KLK4: variants seen among roughly 807,000 people sequenced by gnomAD.
KLK4 encodes kallikrein related peptidase 4.
In KLK4, 24 loss-of-function variants were observed where a neutral mutation model predicts 24.3. The observed-to-expected ratio is 0.99, with a 90% CI of 0.72 to 1.39. The LOEUF (loss-of-function observed/expected upper bound fraction) is 1.39. Ranked by LOEUF, KLK4 falls within the 40% of genes most tolerant of loss-of-function variation. The pLI, the probability that KLK4 is intolerant of heterozygous loss-of-function variation, is 0.00. For missense variants in KLK4, 344 were observed against 327.4 expected, an observed-to-expected ratio of 1.05 and a Z score of -0.39; for synonymous variants, 142 against 138.8, an observed-to-expected ratio of 1.02 and a Z score of -0.16.
rs764598208 is a variant in KLK4, at chr19:50,910,298, GA to G, written c.61+379del. ...TGAGGTGAGTTCCTTGGGGATGGGA[GA>G]GGGGGATCTCAGGACTGAAGACCCA... On this transcript the variant is annotated intron_variant, in intron 2 of 5. Transcript: ENST00000324041. This position sits in a 1 kb window ranked among gnomAD's most constrained non-coding sequence, Gnocchi z 4.4. Among the ~76,000 whole-genome samples the G allele has an allele frequency of 1.3e-5, 2 of 152,090 alleles. No homozygotes were observed. The highest frequency in any genetic ancestry group is 2.4e-5 in the African/African-American group (1 of 41,392).
rs576078077 is a variant in KLK4 at position 50,909,522 on chromosome 19, C to T, written c.62-108G>A. The T allele has an allele frequency of 6.1e-5, 73 of 1,194,422 alleles. No individual in the cohort carries two copies. The South Asian group carries it at 8.9e-4, about 15-fold the overall frequency. 74.0% of individuals were successfully genotyped at this position (1,194,422 alleles called of 1,614,324 possible). ...GTCAGAGGTTCAGGAGCAGTCAGGG[C>T]TCCTCGGGGCGGAGTCAGGGCTGGG... On this transcript the variant is annotated intron_variant, in intron 2 of 5. Coordinates refer to ENST00000324041, the Ensembl canonical transcript of KLK4.
At chr19:50,906,841 G>T (rs2090434802) in exon 6 of KLK4, 2 of 1,512,656 alleles carry the variant, frequency 1.3e-6, no homozygotes, top group Non-Finnish European at 1.8e-6. Flanking sequence ...GGACTCCTGG[G>T]CCTGAGGGAG....
intron 2 of KLK4, among the ~76,000 whole-genome samples, chr19:50,909,765 G>A (rs198967): frequency 0.023 from 3,474 of 152,058 alleles, 129 homozygotes; most frequent in African/African-American, 0.079. Context: ...AGGGCTCCCA[G>A]GGGCGGTGAT....
chr19:50,909,013 C>T, intron 3 of KLK4, 184 bp from the exon 4 acceptor site: 1 of 1,490,246 alleles, frequency 6.7e-7, no homozygotes, highest in Non-Finnish European at 8.9e-7. Flanking sequence ...AAGAACTTGC[C>T]TTAGTTCACT....
At chr19:50,909,551 G>A (rs1320680435) in intron 2 of KLK4, 137 bp from the exon 3 acceptor site, 2 of 934,998 alleles carry the variant, frequency 2.1e-6, no homozygotes, top group Admixed American at 1.9e-5. Context: ...GGCTGGGAAC[G>A]GGCTCAGGAG....
chr19:50,907,340 CTCTCCTTTG>C (rs1235644978), intron 5 of KLK4, among the ~76,000 whole-genome samples: 1 of 151,464 alleles, frequency 6.6e-6, no homozygotes, highest in African/African-American at 2.4e-5. Context: ...GTTTGTCTGT[CTCTCCTTTG>C]TCTCCTTTGT....
intron 5 of KLK4, 152 bp from the exon 6 acceptor site, chr19:50,907,238 TC>T: frequency 1.2e-6 from 1 of 821,176 alleles, no homozygotes; most frequent in Non-Finnish European, 2.0e-6. Flanking sequence ...GAAGTCCCAT[TC>T]CAGATCCCTG....
rs1193940056 is a variant in KLK4, at chr19:50,910,470, G to A, written c.61+208C>T. 6.6e-6 allele frequency among the ~76,000 whole-genome samples: 1 copy of A among 151,986 alleles called. No homozygotes were observed. Among genetic ancestry groups the A allele is most frequent in the Non-Finnish European group, 1.5e-5 (1 of 68,018 alleles). On this transcript the variant is annotated intron_variant, in intron 2 of 5. Coordinates refer to ENST00000324041, the Ensembl canonical transcript of KLK4. The surrounding 1 kb of genome is among the most constrained non-coding windows in gnomAD (Gnocchi z 4.4). ...GGCACAAACTGTCAGAGTCTCACAG[G>A]TACAACCACACACCCAGGCACACTG... is the stretch of plus-strand genomic sequence containing the variant.
rs1051887391 is a variant in KLK4, at chr19:50,908,465, T to C, written c.506A>G (p.Asn169Ser). The C allele has an allele frequency of 2.5e-6, 4 of 1,613,902 alleles. No individual in the cohort carries two copies. Among genetic ancestry groups the C allele is most frequent in the Non-Finnish European group, 2.5e-6 (3 of 1,180,008 alleles). ...GACCTCCTCAGACACCACCGACACGTTCACGCACTGCAGCACGGTAGGCAT... is the reference window on the plus strand; with the variant it reads ...GACCTCCTCAGACACCACCGACACGCTCACGCACTGCAGCACGGTAGGCAT... The change falls in exon 5 of 6, where the codon AAC (asparagine) becomes AGC (serine). Residue 169 changes from asparagine to serine, a missense_variant. Physicochemically the swap from Asn to Ser is conservative, Grantham distance 46 (BLOSUM62 1). Coordinates refer to ENST00000324041, the Ensembl canonical transcript of KLK4.
intron 5 of KLK4, among the ~76,000 whole-genome samples, 189 bp from the exon 6 acceptor site, chr19:50,907,275 G>A (rs997772001): frequency 3.9e-5 from 6 of 152,138 alleles, no homozygotes; most frequent in Non-Finnish European, 5.9e-5. Context: ...GCTTCCCGAT[G>A]TCCTATGTCC....
At position 50,910,157 on chromosome 19, in the gene KLK4, G is replaced by A. The variant is rs2090475281; in HGVS notation, c.61+521C>T. Among the ~76,000 whole-genome samples, 1 of 152,002 alleles carries A rather than the reference G, an allele frequency of 6.6e-6. No homozygotes were observed. Among genetic ancestry groups the A allele is most frequent in the South Asian group, 2.1e-4 (1 of 4,824 alleles). ...AAGGATCGGGTCACTTGTCTGCGCA[G>A]ACTGATGCTCAAAGAGTCGGTCCTG... On this transcript the variant is annotated intron_variant, in intron 2 of 5. Transcript: ENST00000324041. The surrounding 1 kb of genome is among the most constrained non-coding windows in gnomAD (Gnocchi z 4.4).
exon 6 of KLK4, chr19:50,906,972 A>T (rs916655558): frequency 1.9e-6 from 3 of 1,614,140 alleles, no homozygotes; most frequent in African/African-American, 2.7e-5. Context: ...CACTCAGTGA[A>T]TTTGCAGAGG....
intron 2 of KLK4, among the ~76,000 whole-genome samples, chr19:50,909,740 C>A (rs1439928671): frequency 6.6e-6 from 1 of 151,430 alleles, no homozygotes; most frequent in Non-Finnish European, 1.5e-5. Flanking sequence ...AGGGGCTGGT[C>A]CAGGATATAG....
chr19:50,909,494 G>T, intron 2 of KLK4, 80 bp from the exon 3 acceptor site: 1 of 1,455,694 alleles, frequency 6.9e-7, no homozygotes, highest in Non-Finnish European at 9.6e-7. Flanking sequence ...GAGCAGGGGC[G>T]TGGTCAGAGG....
exon 4 of KLK4, chr19:50,908,643 A>C: frequency 6.2e-7 from 1 of 1,614,202 alleles, no homozygotes; most frequent in South Asian, 1.1e-5. Flanking sequence ...ACTGCGAAGC[A>C]ATGCTGATGC....
chr19:50,908,298 T>C (rs2090451221), intron 5 of KLK4, 61 bp downstream of exon 5: 1 of 1,599,302 alleles, frequency 6.3e-7, no homozygotes, highest in Non-Finnish European at 8.5e-7. Context: ...CCTGTGTGTC[T>C]CTGTCTCCCC....
rs758289822 is a variant in KLK4 at position 50,910,403 on chromosome 19, C to A, written c.61+275G>T. On this transcript the variant is annotated intron_variant, in intron 2 of 5. Coordinates refer to ENST00000324041, the Ensembl canonical transcript of KLK4. The surrounding 1 kb of genome is among the most constrained non-coding windows in gnomAD (Gnocchi z 4.4). Reference sequence around the variant, plus strand: ...CTGCACCCTCGGCTTCCCCTGTCCCCATATCATCATTACACTGTTGTCACT... The same window carrying A: ...CTGCACCCTCGGCTTCCCCTGTCCCAATATCATCATTACACTGTTGTCACT... Among the ~76,000 whole-genome samples, 1 of 152,040 alleles carries A rather than the reference C, an allele frequency of 6.6e-6. No homozygotes were observed. The highest frequency in any genetic ancestry group is 1.5e-5 in the Non-Finnish European group (1 of 68,016).
In KLK4 at chr19:50,906,960, T is replaced by A. The variant is rs368667030; in HGVS notation, c.739A>T (p.Ile247Leu). Residue 247 changes from isoleucine (I) to leucine (L), a missense_variant, in exon 6 of 6, where the codon ATA becomes TTA. Ile to Leu is a conservative substitution (Grantham distance 5). Coordinates refer to ENST00000324041, the Ensembl canonical transcript of KLK4. ...TAACTGGCCTGGACGGTTTTCTCTA[T>A]CCACTCAGTGAATTTGCAGAGGTTG... 5.1e-5 allele frequency: 83 copies of A among 1,614,060 alleles called. No individual in the cohort carries two copies. Among genetic ancestry groups the A allele is most frequent in the Non-Finnish European group, 6.8e-5 (80 of 1,180,034 alleles).
intron 3 of KLK4, 91 bp downstream of exon 3, chr19:50,909,161 C>T (rs753563531): frequency 4.6e-5 from 74 of 1,606,338 alleles, no homozygotes; most frequent in Middle Eastern, 3.8e-4. Flanking sequence ...GCCTTCACCG[C>T]TGTTTCCCCC....
Sources: allele counts gnomAD v4.1 joint callset (sites outside exome capture counted in the v4.1 genomes callset), GRCh38; gene constraint gnomAD v4.1.1; non-coding constraint Gnocchi (gnomAD v3.1); transcripts MANE v1.5; gene names NCBI Gene and HGNC (gene_info 2026-07-23, HGNC 2026-07-21).